Variants in DPYD observed in about 807,000 individuals in gnomAD.
The protein encoded by DPYD is dihydropyrimidine dehydrogenase [NADP(+)].
DPYD carries 109 observed loss-of-function variants against 116.2 expected under a neutral mutation model. The observed-to-expected ratio is 0.94, with a 90% CI of 0.80 to 1.10. DPYD has a LOEUF of 1.10. Among genes scored for constraint, DPYD ranks in the 50% least tolerant of loss-of-function variants. DPYD has a pLI of 0.00. For missense variants in DPYD, 1,302 were observed against 1,254.5 expected (o/e 1.04, Z -0.57); for synonymous variants, 440 against 432.0 (o/e 1.02, Z -0.23).
chr1:97,459,430 C>A (rs1332448382), intron 13 of DPYD, among the ~76,000 whole-genome samples: 3 of 151,958 alleles, frequency 2.0e-5, no homozygotes, highest in African/African-American at 7.3e-5. Flanking sequence ...TTCTTAGATT[C>A]CAGACAACAA....
chr1:97,808,310 C>T (rs1453247589), intron 3 of DPYD, among the ~76,000 whole-genome samples: 1 of 151,970 alleles, frequency 6.6e-6, no homozygotes, highest in African/African-American at 2.4e-5. Flanking sequence ...TATAGATTTC[C>T]TCATATAGAT....
chr1:97,178,791 C>A (rs1186565428), intron 20 of DPYD, among the ~76,000 whole-genome samples: 3 of 151,998 alleles, frequency 2.0e-5, no homozygotes, highest in Non-Finnish European at 4.4e-5. Flanking sequence ...AATAATAGAC[C>A]CTTAAATCTT....
chr1:97,677,093 G>C (rs1178850301), intron 8 of DPYD, among the ~76,000 whole-genome samples: 1 of 152,084 alleles, frequency 6.6e-6, no homozygotes, highest in African/African-American at 2.4e-5. Flanking sequence ...AAATTAAAAA[G>C]CTGAAACACT....
intron 14 of DPYD, among the ~76,000 whole-genome samples, chr1:97,438,964 G>T (rs1018623584): frequency 3.3e-5 from 5 of 152,100 alleles, no homozygotes; most frequent in Non-Finnish European, 5.9e-5. Flanking sequence ...CACTTAGGAG[G>T]AAAGCATACA....
chr1:97,277,410 CAAAT>C (rs762147681), intron 18 of DPYD, among the ~76,000 whole-genome samples: 18 of 151,116 alleles, frequency 1.2e-4, no homozygotes, highest in African/African-American at 2.0e-4. Flanking sequence ...ACAAAACAAA[CAAAT>C]AAACAAACAA....
intron 18 of DPYD, among the ~76,000 whole-genome samples, chr1:97,293,720 T>C (rs923886102): frequency 3.5e-4 from 53 of 152,096 alleles, no homozygotes; most frequent in African/African-American, 1.2e-3. Context: ...GGCAGATGGA[T>C]CACCTGAGGT....
chr1:97,197,328 C>G (rs567257484), intron 19 of DPYD, among the ~76,000 whole-genome samples: 1 of 151,980 alleles, frequency 6.6e-6, no homozygotes, highest in Non-Finnish European at 1.5e-5. Context: ...TTACTTAATC[C>G]TCTTTGCTCA....
intron 2 of DPYD, among the ~76,000 whole-genome samples, chr1:97,857,374 G>C (rs1670896314): frequency 1.3e-5 from 2 of 152,102 alleles, no homozygotes; most frequent in African/African-American, 2.4e-5. Flanking sequence ...TCAGGATAAG[G>C]CTGGTTACCA....
At chr1:97,531,799 G>A (rs1458287359) in intron 12 of DPYD, among the ~76,000 whole-genome samples, 1 of 151,958 alleles carries the variant, frequency 6.6e-6, no homozygotes, top group African/African-American at 2.4e-5. Flanking sequence ...TTACTTTCTG[G>A]CAGTATTTTA....
chr1:97,359,532 G>A (rs950897299), intron 16 of DPYD, among the ~76,000 whole-genome samples: 2 of 152,080 alleles, frequency 1.3e-5, no homozygotes, highest in South Asian at 2.1e-4. Flanking sequence ...TTGAAGTGAA[G>A]GAAAAAATGT....
intron 5 of DPYD, among the ~76,000 whole-genome samples, chr1:97,714,015 A>G (rs1257716431): frequency 1.3e-5 from 2 of 152,136 alleles, no homozygotes; most frequent in Admixed American, 6.6e-5. Context: ...ATGATAATTT[A>G]TCTTAGTTAT....
intron 14 of DPYD, among the ~76,000 whole-genome samples, chr1:97,402,344 TAG>T (rs1365350536): frequency 1.3e-5 from 2 of 152,284 alleles, no homozygotes; most frequent in Non-Finnish European, 1.5e-5. Context: ...CATATTTTGA[TAG>T]ACTTACACCT....
In DPYD at chr1:97,726,430, A is replaced by G. The variant is rs929682404; in HGVS notation, c.322-4759T>C. ...TTAATCAGTCTATTCCTAAGCAAAC[A>G]TATTTAGTTCCTGCTGAAGCCCACT... On this transcript the variant is annotated intron_variant, in intron 4 of 22. Transcript: ENST00000370192. Among the ~76,000 whole-genome samples the G allele has an allele frequency of 2.0e-5, 3 of 151,600 alleles. No individual in the cohort carries two copies. In the Admixed American group the frequency reaches 2.0e-4, roughly 10 times the overall value.
chr1:97,869,650 C>G (rs746722405), intron 2 of DPYD, among the ~76,000 whole-genome samples: 1 of 151,734 alleles, frequency 6.6e-6, no homozygotes, highest in Admixed American at 6.6e-5. Flanking sequence ...AGAAAGTTGG[C>G]ACCAAGATGG....
chr1:97,403,466 G>A (rs546007783), intron 14 of DPYD, among the ~76,000 whole-genome samples: 1 of 152,142 alleles, frequency 6.6e-6, no homozygotes, highest in African/African-American at 2.4e-5. Context: ...TGTTTTGGAA[G>A]GTTGTTAATT....
intron 20 of DPYD, among the ~76,000 whole-genome samples, chr1:97,101,371 C>A (rs575805930): frequency 6.7e-6 from 1 of 149,388 alleles, no homozygotes; most frequent in African/African-American, 2.5e-5. Context: ...GTAAAGTTTT[C>A]CGAAAACAAA....
At chr1:97,753,138 T>G (rs1665026909) in intron 3 of DPYD, among the ~76,000 whole-genome samples, 2 of 152,192 alleles carry the variant, frequency 1.3e-5, no homozygotes, top group African/African-American at 4.8e-5. Context: ...TTAATTTTCA[T>G]AATCACTCAA....
intron 8 of DPYD, among the ~76,000 whole-genome samples, chr1:97,624,814 A>G (rs1237843353): frequency 2.0e-5 from 3 of 152,054 alleles, no homozygotes; most frequent in Admixed American, 1.3e-4. Flanking sequence ...TTGTAACAAC[A>G]TGGGTGGAAT....
At chr1:97,230,902 T>C (rs998403711) in intron 19 of DPYD, among the ~76,000 whole-genome samples, 9 of 152,320 alleles carry the variant, frequency 5.9e-5, no homozygotes, top group Non-Finnish European at 1.0e-4. Flanking sequence ...CAGTTCCAGT[T>C]CCAGGGTCCT....
Sources: allele counts gnomAD v4.1 joint callset (sites outside exome capture counted in the v4.1 genomes callset), GRCh38; gene constraint gnomAD v4.1.1; transcripts MANE v1.5; gene names NCBI Gene and HGNC (gene_info 2026-07-23, HGNC 2026-07-21).